The following POC1A variants were observed in gnomAD, a reference collection of about 807,000 sequenced individuals.
The protein encoded by POC1A is POC1 centriolar protein homolog A.
Under a neutral mutation model 47.8 loss-of-function variants are expected in POC1A, and 34 were observed. That is an observed-to-expected ratio of 0.71 (90% CI 0.54 to 0.95). POC1A has a LOEUF of 0.95. Ranked by LOEUF, POC1A falls within the 40% of genes least tolerant of loss-of-function variation. POC1A has a pLI of 0.00. For missense variants in POC1A, 466 were observed against 528.3 expected, an observed-to-expected ratio of 0.88 and a Z score of 1.16; for synonymous variants, 177 against 207.6, an observed-to-expected ratio of 0.85 and a Z score of 1.27.
At chr3:52,106,224 C>G (rs1291139873) in intron 9 of POC1A, among the ~76,000 whole-genome samples, 1 of 151,420 alleles carries the variant, frequency 6.6e-6, no homozygotes, top group African/African-American at 2.4e-5. Context: ...GACATGGGGC[C>G]TGGAGGTCCA....
At chr3:52,096,520 G>A in intron 10 of POC1A, 49 bp downstream of exon 10, 1 of 1,467,974 alleles carries the variant, frequency 6.8e-7, no homozygotes, top group South Asian at 1.4e-5. Flanking sequence ...CCAAATGCGG[G>A]ACCAAGTGCA....
At chr3:52,128,196 G>A (rs1704080876) in intron 7 of POC1A, among the ~76,000 whole-genome samples, 1 of 152,180 alleles carries the variant, frequency 6.6e-6, no homozygotes, top group South Asian at 2.1e-4. Context: ...AGAAGTCACA[G>A]CAACTAAGGG....
intron 3 of POC1A, 107 bp from the exon 4 acceptor site, chr3:52,149,496 C>T (rs1388031195): frequency 2.9e-5 from 30 of 1,029,048 alleles, no homozygotes; most frequent in Non-Finnish European, 4.1e-5. Flanking sequence ...CAAAGTCAGT[C>T]AAGCCCGAGT....
rs1468945480 is a variant in POC1A, at chr3:52,079,610, T to TC, written c.1126-3626dup. Reference sequence around the variant, plus strand: ...GGTCTGGTCCTAGCCCCTCAGAAGGTCCCCAAAGAGGTACAGGCTGTGTCA... The same window carrying TC: ...GGTCTGGTCCTAGCCCCTCAGAAGGTCCCCCAAAGAGGTACAGGCTGTGTCA... On this transcript the variant is annotated intron_variant, in intron 10 of 10. Coordinates refer to ENST00000296484, the MANE Select transcript of POC1A (RefSeq NM_015426.5). The surrounding 1 kb of genome is among the most constrained non-coding windows in gnomAD (Gnocchi z 4.6). 1.3e-5 allele frequency among the ~76,000 whole-genome samples: 2 copies of TC among 152,230 alleles called. No homozygotes were observed. The highest frequency in any genetic ancestry group is 4.8e-5 in the African/African-American group (2 of 41,532).
intron 9 of POC1A, among the ~76,000 whole-genome samples, chr3:52,105,041 C>T (rs1405861753): frequency 2.6e-5 from 4 of 152,178 alleles, no homozygotes; most frequent in Admixed American, 1.3e-4. Context: ...TTGTCCAGCC[C>T]GCTCCTGAAA....
intron 10 of POC1A, among the ~76,000 whole-genome samples, chr3:52,095,407 G>A (rs1271312916): frequency 2.0e-5 from 3 of 152,090 alleles, no homozygotes; most frequent in African/African-American, 7.2e-5. Context: ...CTTAGCCCAC[G>A]ATCCCAAGCT....
At chr3:52,113,722 A>C (rs546810255) in intron 9 of POC1A, among the ~76,000 whole-genome samples, 40 of 152,326 alleles carry the variant, frequency 2.6e-4, no homozygotes, top group African/African-American at 9.4e-4. Context: ...AACAAACAAA[A>C]AAACAAAACA....
At chr3:52,128,543 C>A (rs1371629401) in intron 7 of POC1A, among the ~76,000 whole-genome samples, 1 of 152,228 alleles carries the variant, frequency 6.6e-6, no homozygotes, top group Non-Finnish European at 1.5e-5. Context: ...TTCTGCCTAG[C>A]AGCCCAGGGC....
chr3:52,149,781 G>T, intron 3 of POC1A, 35 bp downstream of exon 3: 1 of 1,593,218 alleles, frequency 6.3e-7, no homozygotes, highest in South Asian at 1.1e-5. Context: ...CAGGGCCCCA[G>T]ACTCCAACAA....
chr3:52,150,989 G>A, intron 2 of POC1A, 27 bp downstream of exon 2: 3 of 1,610,970 alleles, frequency 1.9e-6, no homozygotes, highest in Non-Finnish European at 2.5e-6. Context: ...TCATAACCTA[G>A]CACCTAGACA....
rs1262617283 is a variant in POC1A at position 52,125,280 on chromosome 3, G to A, written c.814-99C>T. The A allele has an allele frequency of 5.9e-6, 6 of 1,019,194 alleles. No individual in the cohort carries two copies. In the African/African-American group the frequency reaches 8.0e-5, roughly 14 times the overall value. The allele number at this position is 1,019,194 out of a possible 1,614,324, so 63.1% of individuals were successfully genotyped here. A position where few individuals can be genotyped will look rare whatever the true frequency, so the allele number is the denominator to read the frequency against. ...CGTTCTTGAATGAAAGCAGCAGCAGGATAAAGGACCGAGAGCCCACTCAGC... is the reference window on the plus strand; with the variant it reads ...CGTTCTTGAATGAAAGCAGCAGCAGAATAAAGGACCGAGAGCCCACTCAGC... On this transcript the variant is annotated intron_variant, in intron 7 of 10. Coordinates refer to ENST00000296484, the MANE Select transcript of POC1A (RefSeq NM_015426.5).
rs1055848297 is a variant in POC1A, at chr3:52,140,580, CAGA to C, written c.680-2281_680-2279del. 2.0e-5 allele frequency among the ~76,000 whole-genome samples: 3 copies of C among 152,210 alleles called. 1 individual carries two copies. The highest frequency in any genetic ancestry group is 3.8e-4 in the East Asian group (2 of 5,198). On this transcript the variant is annotated intron_variant, in intron 6 of 10. Transcript: ENST00000296484. ...CCCATCCAAGGGAAAGAATCTCTCC[CAGA>C]AGAAGGGCAACAGAATCTCCACTCC...
At chr3:52,097,277 G>A (rs1171778547) in intron 9 of POC1A, among the ~76,000 whole-genome samples, 1 of 152,210 alleles carries the variant, frequency 6.6e-6, no homozygotes, top group Non-Finnish European at 1.5e-5. Context: ...ACCCCACCCT[G>A]GCCCAGATCC....
intron 3 of POC1A, 139 bp downstream of exon 3, chr3:52,149,677 C>A: frequency 1.2e-6 from 1 of 828,552 alleles, no homozygotes; most frequent in African/African-American, 1.7e-5. Flanking sequence ...GCAGCCCCAG[C>A]CTCTGATGGC....
chr3:52,107,176 A>G (rs1445475160), intron 9 of POC1A, among the ~76,000 whole-genome samples: 2 of 152,388 alleles, frequency 1.3e-5, no homozygotes, highest in East Asian at 1.9e-4. Context: ...GGAAGGGTTC[A>G]GAGCGGGCTG....
In POC1A at chr3:52,108,971, G is replaced by A. The variant is rs149992422; in HGVS notation, c.982-12259C>T. Among the ~76,000 whole-genome samples, 582 of 152,256 alleles carry A rather than the reference G, an allele frequency of 3.8e-3. 4 individuals carry two copies. Among genetic ancestry groups the A allele is most frequent in the South Asian group, 6.2e-3 (30 of 4,822 alleles). The stretch of plus-strand genomic sequence containing the variant: ...GCCTGACCCACCTCCAGGAAGGAGC[G>A]AGGAGCTCACAGTACCAAACTCTCC... On this transcript the variant is annotated intron_variant, in intron 9 of 10. Coordinates refer to ENST00000296484, the MANE Select transcript of POC1A (RefSeq NM_015426.5).
At chr3:52,131,064 T>G (rs1479237208) in intron 7 of POC1A, among the ~76,000 whole-genome samples, 1 of 152,058 alleles carries the variant, frequency 6.6e-6, no homozygotes, top group Non-Finnish European at 1.5e-5. Context: ...TGCAGCTCAG[T>G]CACTCTACAG....
intron 7 of POC1A, among the ~76,000 whole-genome samples, chr3:52,133,617 T>C (rs1704320628): frequency 6.6e-6 from 1 of 152,108 alleles, no homozygotes; most frequent in South Asian, 2.1e-4. Flanking sequence ...ACTTGGCAAG[T>C]CCCTCTGTCC....
At chr3:52,088,390 A>C (rs535476828) in intron 10 of POC1A, among the ~76,000 whole-genome samples, 3 of 152,302 alleles carry the variant, frequency 2.0e-5, no homozygotes, top group East Asian at 1.9e-4. Flanking sequence ...TGCCATGCTA[A>C]GTTCAAGGCT....
Sources: allele counts gnomAD v4.1 joint callset (sites outside exome capture counted in the v4.1 genomes callset), GRCh38; gene constraint gnomAD v4.1.1; non-coding constraint Gnocchi (gnomAD v3.1); transcripts MANE v1.5; gene names NCBI Gene and HGNC (gene_info 2026-07-23, HGNC 2026-07-21).